Variants in STK26 observed in about 807,000 individuals in gnomAD.
STK26 encodes the protein serine/threonine kinase 26.
STK26 carries 14 observed loss-of-function variants against 34.7 expected under a neutral mutation model. That is an observed-to-expected ratio of 0.40 (90% CI 0.27 to 0.63). The LOEUF is 0.63. Ranked by LOEUF, STK26 falls within the 30% of genes least tolerant of loss-of-function variation. The pLI is 0.38. For synonymous variants in STK26, 100 were observed against 109.8 expected, an observed-to-expected ratio of 0.91 and a Z score of 0.56; for missense variants, 226 against 309.1, an observed-to-expected ratio of 0.73 and a Z score of 2.02.
chrX:132,072,216 C>T lies in STK26; in HGVS notation c.933-52C>T. The T allele has an allele frequency of 3.0e-6, 3 of 1,003,440 alleles. No homozygotes were observed. In the Admixed American group the frequency reaches 6.8e-5, roughly 23 times the overall value. 82.7% of individuals were successfully genotyped at this position (1,003,440 alleles called of 1,213,427 possible). ...TACCTGCATTGATTTGGTATTTTTG[C>T]CAAGCTGAATCATTTGGGCACTTAT... On this transcript the variant is annotated intron_variant, in intron 8 of 11. Transcript: ENST00000394334.
At chrX:132,023,757 C>A in intron 2 of STK26, 98 bp downstream of exon 2, 1 of 1,028,178 alleles carries the variant, frequency 9.7e-7, no homozygotes, top group Non-Finnish European at 1.3e-6. Flanking sequence ...GGCCCCAGGG[C>A]TCCCCTGAGG....
chrX:132,030,025 C>A (rs1925771967), intron 2 of STK26, among the ~76,000 whole-genome samples: 1 of 111,951 alleles, frequency 8.9e-6, no homozygotes, highest in African/African-American at 3.2e-5. Flanking sequence ...ACTTTTCTAA[C>A]TGTTTAAAAT....
At chrX:132,071,851 T>A (rs1406973330) in intron 8 of STK26, among the ~76,000 whole-genome samples, 2 of 112,010 alleles carry the variant, frequency 1.8e-5, no homozygotes, top group African/African-American at 6.5e-5. Context: ...CTGAGATTCT[T>A]CCATTTATGA....
chrX:132,037,795 CTATT>C (rs1252801515), intron 2 of STK26, among the ~76,000 whole-genome samples: 1 of 46,333 alleles, frequency 2.2e-5, no homozygotes, highest in Non-Finnish European at 4.0e-5. Flanking sequence ...TTTTTTTTAA[CTATT>C]TATCTCTTCA....
chrX:132,072,580 C>T (rs1927450629), intron 9 of STK26, among the ~76,000 whole-genome samples: 1 of 111,083 alleles, frequency 9.0e-6, no homozygotes, highest in Admixed American at 9.6e-5. Flanking sequence ...GTGCATTTCA[C>T]CTGGAGATAC....
chrX:132,073,557 T>G (rs1927493183), intron 11 of STK26, among the ~76,000 whole-genome samples: 1 of 112,186 alleles, frequency 8.9e-6, no homozygotes, highest in Non-Finnish European at 1.9e-5. Flanking sequence ...AAAAGGGCTC[T>G]TATGTTCAAC....
At chrX:132,036,083 T>C (rs1016437404) in intron 2 of STK26, among the ~76,000 whole-genome samples, 1 of 111,751 alleles carries the variant, frequency 8.9e-6, no homozygotes, top group African/African-American at 3.3e-5. Flanking sequence ...CTGAGTTTAG[T>C]TCAAACAAAG....
chrX:132,034,536 C>T (rs1925974335), intron 2 of STK26, among the ~76,000 whole-genome samples: 2 of 109,903 alleles, frequency 1.8e-5, no homozygotes, highest in Admixed American at 9.7e-5. Flanking sequence ...CCTCGTGGTC[C>T]GCCCGCCTCG....
intron 2 of STK26, among the ~76,000 whole-genome samples, chrX:132,044,616 G>A (rs1460597439): frequency 1.1e-5 from 1 of 89,882 alleles, no homozygotes; most frequent in Non-Finnish European, 2.2e-5. Context: ...TAGTTTCACT[G>A]GATGTTCAAA....
intron 3 of STK26, among the ~76,000 whole-genome samples, chrX:132,058,103 T>C (rs920277296): frequency 2.1e-4 from 24 of 112,243 alleles, no homozygotes; most frequent in African/African-American, 7.1e-4. Context: ...ATAATTTTGC[T>C]GTCATATTTG....
intron 2 of STK26, among the ~76,000 whole-genome samples, chrX:132,038,077 A>G (rs1926129500): frequency 9.0e-6 from 1 of 110,620 alleles, no homozygotes; most frequent in African/African-American, 3.3e-5. Context: ...AACCCTGCTT[A>G]GGGAAGGTAG....
At chrX:132,037,020 A>G (rs1926075928) in intron 2 of STK26, among the ~76,000 whole-genome samples, 1 of 112,121 alleles carries the variant, frequency 8.9e-6, no homozygotes, top group Admixed American at 9.4e-5. Context: ...ATGTCATTTA[A>G]GAAGGTCGGT....
chrX:132,031,550 A>G (rs1925839297), intron 2 of STK26, among the ~76,000 whole-genome samples: 1 of 112,194 alleles, frequency 8.9e-6, no homozygotes, highest in Admixed American at 9.4e-5. Flanking sequence ...GAGTGAGAAC[A>G]TGCAGTATTT....
chrX:132,053,792 A>C (rs1444020641), intron 2 of STK26, among the ~76,000 whole-genome samples: 1 of 112,039 alleles, frequency 8.9e-6, no homozygotes. Context: ...GTAAGTATAT[A>C]AAGTTTGTCT....
chrX:132,069,627 G>A lies in STK26; in HGVS notation c.747G>A (p.Glu249=). ...LVGDFTKSFK[E]FIDACLNKDP... is the part of the protein sequence containing the mutation. Reference sequence around the variant, plus strand: ...GAGACTTTACTAAGTCTTTTAAGGAGTTTATTGATGCTTGCCTGAACAAAG... The same window carrying A: ...GAGACTTTACTAAGTCTTTTAAGGAATTTATTGATGCTTGCCTGAACAAAG... The change falls in exon 7 of 12, where the codon GAG becomes GAA. Residue 249 remains glutamate, a synonymous_variant. Transcript: ENST00000394334. 1 of 1,152,931 alleles carries A rather than the reference G, an allele frequency of 8.7e-7. No homozygotes were observed. Among genetic ancestry groups the A allele is most frequent in the Admixed American group, 2.6e-5 (1 of 37,895 alleles).
chrX:132,073,903 C>T (rs1421997963), intron 11 of STK26, among the ~76,000 whole-genome samples: 9 of 111,359 alleles, frequency 8.1e-5, no homozygotes, highest in African/African-American at 2.3e-4. Flanking sequence ...CTTAAAATCC[C>T]TTATATTTTA....
chrX:132,035,563 G>A (rs929449337), intron 2 of STK26, among the ~76,000 whole-genome samples: 1 of 109,653 alleles, frequency 9.1e-6, no homozygotes, highest in African/African-American at 3.3e-5. Flanking sequence ...GTGGAATTAT[G>A]TTACCATGCT....
At chrX:132,036,226 A>C (rs1451717002) in intron 2 of STK26, among the ~76,000 whole-genome samples, 1 of 112,417 alleles carries the variant, frequency 8.9e-6, no homozygotes, top group East Asian at 2.8e-4. Flanking sequence ...ACAACCAACA[A>C]AAACGAATCC....
intron 7 of STK26, among the ~76,000 whole-genome samples, 189 bp downstream of exon 7, chrX:132,069,852 C>G (rs1927357032): frequency 9.1e-6 from 1 of 110,452 alleles, no homozygotes; most frequent in Non-Finnish European, 1.9e-5. Flanking sequence ...TTCTTTTTCT[C>G]CTTACCCTTC....
Sources: gnomAD v4.1 joint callset for allele counts (sites outside exome capture counted in the v4.1 genomes callset) on GRCh38, gnomAD v4.1.1 for gene constraint, MANE v1.5 for transcripts, NCBI Gene and HGNC (gene_info 2026-07-23, HGNC 2026-07-21) for gene names.